Variants in TRIM2 observed in about 807,000 individuals in gnomAD.
The protein encoded by TRIM2 is tripartite motif-containing protein 2.
In TRIM2, 20 loss-of-function variants were observed where a neutral mutation model predicts 75.2. The ratio of observed to expected loss-of-function variants is 0.27; its 90% confidence interval spans 0.19 to 0.39. TRIM2 has a LOEUF of 0.39. TRIM2 is among the 10% of genes least tolerant of loss of function. The pLI, the probability that TRIM2 is intolerant of heterozygous loss-of-function variation, is 1.00. For missense variants in TRIM2, 660 were observed against 990.8 expected (o/e 0.67, Z 4.48); for synonymous variants, 373 against 388.3 (o/e 0.96, Z 0.46).
At chr4:153,163,212 G>A (rs58182483) in intron 1 of TRIM2, among the ~76,000 whole-genome samples, 1 of 151,942 alleles carries the variant, frequency 6.6e-6, no homozygotes, top group Non-Finnish European at 1.5e-5. Flanking sequence ...TTGAGACAGG[G>A]TCTTGCTCTG....
intron 1 of TRIM2, among the ~76,000 whole-genome samples, chr4:153,239,422 T>G (rs889669646): frequency 7.3e-5 from 9 of 122,906 alleles, no homozygotes; most frequent in African/African-American, 2.6e-4. Flanking sequence ...GATAGTGCTC[T>G]CTCTCTCTCT....
At chr4:153,251,261 G>A (rs978592286) in intron 1 of TRIM2, among the ~76,000 whole-genome samples, 1 of 152,180 alleles carries the variant, frequency 6.6e-6, no homozygotes, top group African/African-American at 2.4e-5. Context: ...CAGTAGAGAG[G>A]AAGGGGCTCG....
At chr4:153,206,982 G>A (rs1735640852) in intron 1 of TRIM2, among the ~76,000 whole-genome samples, 1 of 152,072 alleles carries the variant, frequency 6.6e-6, no homozygotes, top group African/African-American at 2.4e-5. Context: ...TTGGGCTCAA[G>A]CGATCCTCCA....
chr4:153,244,355 C>CCTCTTCCTCTTCTTCTTCT (rs1748075400), intron 1 of TRIM2, among the ~76,000 whole-genome samples: 1 of 12,714 alleles, frequency 7.9e-5, no homozygotes, highest in Non-Finnish European at 1.3e-4. Context: ...CTTCTTCTTC[C>CCTCTTCCTCTTCTTCTTCT]TCTTCTTCTT....
At chr4:153,268,274 C>T (rs576008008) in intron 1 of TRIM2, among the ~76,000 whole-genome samples, 7 of 152,356 alleles carry the variant, frequency 4.6e-5, no homozygotes, top group East Asian at 1.9e-4. Context: ...GCCCCTAAAC[C>T]TTAATTTCTA....
intron 1 of TRIM2, among the ~76,000 whole-genome samples, chr4:153,175,782 G>A (rs1004816411): frequency 2.0e-5 from 3 of 152,134 alleles, no homozygotes; most frequent in Non-Finnish European, 4.4e-5. Context: ...TGGTGAAGTT[G>A]GAATATGGAC....
At chr4:153,189,622 T>G (rs1732978827) in intron 1 of TRIM2, among the ~76,000 whole-genome samples, 1 of 152,182 alleles carries the variant, frequency 6.6e-6, no homozygotes, top group African/African-American at 2.4e-5. Context: ...GGCCCCTTCC[T>G]CTGTGCTGCT....
At chr4:153,243,633 G>A (rs779412620) in intron 1 of TRIM2, among the ~76,000 whole-genome samples, 1 of 152,124 alleles carries the variant, frequency 6.6e-6, no homozygotes, top group South Asian at 2.1e-4. Context: ...TCTGTACCTG[G>A]GCCATGTTCT....
intron 1 of TRIM2, among the ~76,000 whole-genome samples, chr4:153,208,235 C>T (rs1002882749): frequency 6.6e-6 from 1 of 152,082 alleles, no homozygotes; most frequent in Non-Finnish European, 1.5e-5. Context: ...GAGGTGGAAG[C>T]TGCAGTGAGC....
chr4:153,250,015 G>C (rs1228411102), intron 1 of TRIM2, among the ~76,000 whole-genome samples: 1 of 152,088 alleles, frequency 6.6e-6, no homozygotes, highest in Non-Finnish European at 1.5e-5. Context: ...TTTTGTTACA[G>C]TCAGAGCAGG....
chr4:153,177,425 G>A (rs920646395), intron 1 of TRIM2, among the ~76,000 whole-genome samples: 1 of 152,204 alleles, frequency 6.6e-6, no homozygotes. Flanking sequence ...GGAGGCCAAG[G>A]TGGGTGGATC....
chr4:153,230,764 T>C (rs1006092223), intron 1 of TRIM2, among the ~76,000 whole-genome samples: 6 of 152,238 alleles, frequency 3.9e-5, no homozygotes, highest in Non-Finnish European at 7.3e-5. Context: ...TTATTAGTTA[T>C]GAAATTTACT....
chr4:153,171,170 G>T (rs1730813351), intron 1 of TRIM2, among the ~76,000 whole-genome samples: 1 of 152,120 alleles, frequency 6.6e-6, no homozygotes. Context: ...ATGCCCAGGT[G>T]GCCAAATGTA....
chr4:153,338,101 A>T lies in TRIM2; in HGVS notation c.*3135A>T. 1 of 985,764 alleles carries T rather than the reference A, an allele frequency of 1.0e-6. No individual in the cohort carries two copies. 61.1% of individuals were successfully genotyped at this position (985,764 alleles called of 1,614,324 possible). The stretch of plus-strand genomic sequence containing the variant: ...GTGACTAGATTTGAAGCAAATAAAT[A>T]CTCCAGATCCATGCAGCTAGAACAC... On this transcript the variant is annotated 3_prime_UTR_variant, in exon 12 of 12. Transcript: ENST00000338700.
chr4:153,186,412 G>A (rs1249303537), intron 1 of TRIM2, among the ~76,000 whole-genome samples: 5 of 152,150 alleles, frequency 3.3e-5, no homozygotes, highest in Non-Finnish European at 7.4e-5. Flanking sequence ...AAGAAATATG[G>A]AGGGCATTTA....
intron 1 of TRIM2, among the ~76,000 whole-genome samples, chr4:153,255,088 C>T (rs1015800367): frequency 6.6e-6 from 1 of 152,194 alleles, no homozygotes; most frequent in Non-Finnish European, 1.5e-5. Flanking sequence ...CTTCCTCTTG[C>T]TCTCAAGCAT....
intron 1 of TRIM2, among the ~76,000 whole-genome samples, chr4:153,205,611 G>T (rs572436498): frequency 3.5e-4 from 54 of 152,216 alleles, no homozygotes; most frequent in Non-Finnish European, 6.3e-4. Context: ...GTTTGTTATC[G>T]ACAGGAGCCT....
chr4:153,236,981 A>G (rs994254009), intron 1 of TRIM2, among the ~76,000 whole-genome samples: 10 of 152,178 alleles, frequency 6.6e-5, no homozygotes, highest in Non-Finnish European at 1.5e-4. Flanking sequence ...TGCATGAGCC[A>G]CCTCGCACAG....
At chr4:153,291,281 G>A (rs969226690) in intron 3 of TRIM2, among the ~76,000 whole-genome samples, 2 of 152,126 alleles carry the variant, frequency 1.3e-5, no homozygotes, top group Non-Finnish European at 2.9e-5. Context: ...AACATAGTGA[G>A]TCTTAATGAG....
Sources: allele counts gnomAD v4.1 joint callset (sites outside exome capture counted in the v4.1 genomes callset), GRCh38; gene constraint gnomAD v4.1.1; transcripts MANE v1.5; gene names NCBI Gene and HGNC (gene_info 2026-07-23, HGNC 2026-07-21).